AGAP1: variants seen among roughly 807,000 people sequenced by gnomAD.
The protein encoded by AGAP1 is arf-GAP with GTPase, ANK repeat and PH domain-containing protein 1.
In AGAP1, 29 loss-of-function variants were observed where a neutral mutation model predicts 105.3. That is an observed-to-expected ratio of 0.28 (90% CI 0.21 to 0.38). The LOEUF (loss-of-function observed/expected upper bound fraction) is 0.38. AGAP1 is among the 10% of genes least tolerant of loss of function. The pLI is 1.00. For synonymous variants in AGAP1, 509 were observed against 485.9 expected (o/e 1.05, Z -0.63); for missense variants, 998 against 1,165.1 (o/e 0.86, Z 2.09).
chr2:235,728,301 CTGTGTGTGTG>C lies in AGAP1; in HGVS notation c.310+10674_310+10683del, dbSNP rs143714801. ...ATCTGAAAAGGACTGGGCCCAGACT[CTGTGTGTGTG>C]TGTGTGTGTGTGTGTGCGTGCTCTT... On this transcript the variant is annotated intron_variant, in intron 3 of 17. Coordinates refer to ENST00000304032, the MANE Select transcript of AGAP1 (RefSeq NM_001037131.3). This position sits in a 1 kb window ranked among gnomAD's most constrained non-coding sequence, Gnocchi z 4.3. 6.7e-6 allele frequency among the ~76,000 whole-genome samples: 1 copy of C among 148,532 alleles called. No homozygotes were observed. The highest frequency in any genetic ancestry group is 2.5e-5 in the African/African-American group (1 of 40,152).
At chr2:235,869,697 A>G (rs572382850) in intron 9 of AGAP1, among the ~76,000 whole-genome samples, 1 of 152,348 alleles carries the variant, frequency 6.6e-6, no homozygotes, top group Admixed American at 6.5e-5. Context: ...TCCATGCTCC[A>G]CAAGATACTT....
intron 1 of AGAP1, among the ~76,000 whole-genome samples, chr2:235,640,080 C>T (rs1403358018): frequency 6.6e-6 from 1 of 152,220 alleles, no homozygotes; most frequent in Non-Finnish European, 1.5e-5. Context: ...TCATCCCTCT[C>T]AGGCGCACAC....
chr2:235,806,194 G>A (rs529385208), intron 8 of AGAP1, among the ~76,000 whole-genome samples: 1 of 152,176 alleles, frequency 6.6e-6, no homozygotes, highest in South Asian at 2.1e-4. Flanking sequence ...TTGTAGCAGT[G>A]GACACCACAA....
At chr2:236,008,475 T>C (rs1198693884) in intron 13 of AGAP1, among the ~76,000 whole-genome samples, 1 of 152,264 alleles carries the variant, frequency 6.6e-6, no homozygotes, top group Non-Finnish European at 1.5e-5. Flanking sequence ...CATGAAGTTA[T>C]ACTCTACTTC....
intron 13 of AGAP1, among the ~76,000 whole-genome samples, chr2:236,032,595 AAG>A (rs1475986963): frequency 6.6e-6 from 1 of 152,172 alleles, no homozygotes; most frequent in South Asian, 2.1e-4. Flanking sequence ...ATTATTAGAA[AAG>A]AGAGGGTGGT....
At chr2:235,827,014 C>T (rs1314581953) in intron 9 of AGAP1, among the ~76,000 whole-genome samples, 1 of 152,182 alleles carries the variant, frequency 6.6e-6, no homozygotes, top group Non-Finnish European at 1.5e-5. Flanking sequence ...AGATCCATGG[C>T]TCATCCTAAG....
rs534989549 is a variant in AGAP1 at position 235,699,399 on chromosome 2, G to T, written c.164-9780G>T. Reference sequence around the variant, plus strand: ...TTGTTCCCTTTAGCAGGGGAAATTGGGGCTGACTTTATAACATTGGAGCTC... The same window carrying T: ...TTGTTCCCTTTAGCAGGGGAAATTGTGGCTGACTTTATAACATTGGAGCTC... On this transcript the variant is annotated intron_variant, in intron 1 of 17. Coordinates refer to ENST00000304032, the MANE Select transcript of AGAP1 (RefSeq NM_001037131.3). 1.7e-4 allele frequency among the ~76,000 whole-genome samples: 15 copies of T among 87,412 alleles called. No homozygotes were observed. In the Admixed American group the frequency reaches 1.9e-3, roughly 11 times the overall value. The allele number at this position is 87,412 out of a possible 152,430, so 57.3% of individuals were successfully genotyped here.
rs75278349 is a variant in AGAP1, at chr2:235,664,379, T to A, written c.164-44800T>A. On this transcript the variant is annotated intron_variant, in intron 1 of 17. Transcript: ENST00000304032. The surrounding 1 kb of genome is among the most constrained non-coding windows in gnomAD (Gnocchi z 5.7). ...GGTGCACACCACCACGCCCAGCTAA[T>A]TTTTTTTGTATTTTTATAAATATAA... Among the ~76,000 whole-genome samples the A allele has an allele frequency of 1.3e-5, 2 of 151,746 alleles. No individual in the cohort carries two copies. Among genetic ancestry groups the A allele is most frequent in the Admixed American group, 1.3e-4 (2 of 15,226 alleles).
At chr2:235,650,780 A>C (rs1264461122) in intron 1 of AGAP1, among the ~76,000 whole-genome samples, 2 of 152,192 alleles carry the variant, frequency 1.3e-5, no homozygotes, top group African/African-American at 4.8e-5. Context: ...AACTCTAGAA[A>C]GACTTATTAA....
intron 6 of AGAP1, among the ~76,000 whole-genome samples, chr2:235,771,977 C>CTT (rs1383458717): frequency 7.4e-6 from 1 of 135,178 alleles, no homozygotes; most frequent in East Asian, 2.1e-4. Context: ...TTTCTTGTTT[C>CTT]TTTTTTTTTT....
chr2:235,507,628 C>T (rs1941881319), intron 1 of AGAP1: 1 of 152,104 alleles, frequency 6.6e-6, no homozygotes, highest in African/African-American at 2.4e-5. Flanking sequence ...CCCTTTGTGT[C>T]ATTTTGTTAT....
At chr2:235,861,722 C>A (rs2048934239) in intron 9 of AGAP1, among the ~76,000 whole-genome samples, 1 of 152,118 alleles carries the variant, frequency 6.6e-6, no homozygotes, top group South Asian at 2.1e-4. Context: ...CCACTGTGTC[C>A]CTGGGGGACT....
rs1008879094 is a variant in AGAP1, at chr2:235,973,477, A to G, written c.1645+4854A>G. Among the ~76,000 whole-genome samples, 6 of 152,298 alleles carry G rather than the reference A, an allele frequency of 3.9e-5. No individual in the cohort carries two copies. Among genetic ancestry groups the G allele is most frequent in the South Asian group, 2.1e-4 (1 of 4,832 alleles). On this transcript the variant is annotated intron_variant, in intron 13 of 17. Coordinates refer to ENST00000304032, the MANE Select transcript of AGAP1 (RefSeq NM_001037131.3). This position sits in a 1 kb window ranked among gnomAD's most constrained non-coding sequence, Gnocchi z 4.7. The stretch of plus-strand genomic sequence containing the variant: ...CTGTGCTGCGTGGTCATTGAGACCA[A>G]TGGAAGGAAATTGAGATGTGACTGG...
intron 10 of AGAP1, among the ~76,000 whole-genome samples, chr2:235,890,007 C>T (rs1399866120): frequency 1.3e-5 from 2 of 152,138 alleles, no homozygotes; most frequent in African/African-American, 4.8e-5. Flanking sequence ...AGCCACATCT[C>T]CCAGCCTCCT....
rs75185133 is a variant in AGAP1, at chr2:235,872,645, T to C, written c.1051-10700T>C. Among the ~76,000 whole-genome samples the C allele has an allele frequency of 0.01, 1,567 of 152,264 alleles. 35 individuals carry two copies. Among genetic ancestry groups the C allele is most frequent in the African/African-American group, 0.036 (1,484 of 41,552 alleles). On this transcript the variant is annotated intron_variant, in intron 9 of 17. Transcript: ENST00000304032. This position sits in a 1 kb window ranked among gnomAD's most constrained non-coding sequence, Gnocchi z 4.5. Reference sequence around the variant, plus strand: ...TAGGGTTTTCCATTTTCTTGGTCCTTAGAGTAGGAAGTGTGAAAGTTCGGA... The same window carrying C: ...TAGGGTTTTCCATTTTCTTGGTCCTCAGAGTAGGAAGTGTGAAAGTTCGGA...
intron 6 of AGAP1, chr2:235,774,086 T>C: frequency 9.4e-6 from 4 of 426,340 alleles, no homozygotes; most frequent in South Asian, 7.1e-5. Flanking sequence ...CAGATTGTTT[T>C]ACTGCCTTGC....
At chr2:236,015,573 A>G (rs1368703377) in intron 13 of AGAP1, among the ~76,000 whole-genome samples, 1 of 151,784 alleles carries the variant, frequency 6.6e-6, no homozygotes, top group Non-Finnish European at 1.5e-5. Flanking sequence ...TTTTATGATT[A>G]CAAATGTCAA....
rs148311572 is a variant in AGAP1, at chr2:236,111,414, G to T, written c.2115-8778G>T. On this transcript the variant is annotated intron_variant, in intron 16 of 17. Coordinates refer to ENST00000304032, the MANE Select transcript of AGAP1 (RefSeq NM_001037131.3). Reference sequence around the variant, plus strand: ...GCCTGTAGTTGCAACTGCTCAAGGGGCTGAGGTAGGAGGATCACTTGAGCC... The same window carrying T: ...GCCTGTAGTTGCAACTGCTCAAGGGTCTGAGGTAGGAGGATCACTTGAGCC... 3.3e-3 allele frequency among the ~76,000 whole-genome samples: 504 copies of T among 152,048 alleles called. 10 individuals carry two copies. The highest frequency in any genetic ancestry group is 0.024 in the Admixed American group (372 of 15,278).
At chr2:235,950,464 G>A (rs987246294) in intron 12 of AGAP1, among the ~76,000 whole-genome samples, 6 of 151,988 alleles carry the variant, frequency 3.9e-5, no homozygotes, top group African/African-American at 1.4e-4. Context: ...AGGAGCAAAG[G>A]GATGTACTCC....
Sources: gnomAD v4.1 joint callset for allele counts (sites outside exome capture counted in the v4.1 genomes callset) on GRCh38, gnomAD v4.1.1 for gene constraint, Gnocchi (gnomAD v3.1) non-coding constraint, MANE v1.5 for transcripts, NCBI Gene and HGNC (gene_info 2026-07-23, HGNC 2026-07-21) for gene names.